ZDBF2: variants seen among roughly 807,000 people sequenced by gnomAD.
The protein encoded by ZDBF2 is DBF4-type zinc finger-containing protein 2.
In ZDBF2, 6 loss-of-function variants were observed where a neutral mutation model predicts 9.4. That is an observed-to-expected ratio of 0.64 (90% CI 0.35 to 1.27). The LOEUF (loss-of-function observed/expected upper bound fraction) is 1.27. Among genes scored for constraint, ZDBF2 ranks in the 50% most tolerant of loss-of-function variants. The pLI is 0.03. For missense variants in ZDBF2, 2,697 were observed against 2,766.8 expected (o/e 0.97, Z 0.57); for synonymous variants, 905 against 946.3 (o/e 0.96, Z 0.80).
chr2:206,305,631 G>C lies in ZDBF2; in HGVS notation c.1103G>C (p.Cys368Ser). ...CSVSSEMKFD[C>S]ISLQSASDQP... is the part of the protein sequence containing the mutation. ...GTGAGTTCTGAAATGAAGTTTGATT[G>C]TATCTCTCTTCAGTCAGCATCTGAT... The change falls in exon 5 of 5, where the codon TGT becomes TCT. Residue 368 changes from cysteine (C) to serine (S), a missense_variant. Around this residue, in one of 3 missense-constraint regions of ZDBF2, gnomAD observed 910 missense variants for 973.6 expected, o/e 0.93. Coordinates refer to ENST00000374423, the MANE Select transcript of ZDBF2 (RefSeq NM_020923.3). The C allele has an allele frequency of 1.2e-6, 2 of 1,613,734 alleles. No homozygotes were observed. Among genetic ancestry groups the C allele is most frequent in the South Asian group, 1.1e-5 (1 of 91,072 alleles).
intron 1 of ZDBF2, among the ~76,000 whole-genome samples, chr2:206,278,555 A>G (rs1371345850): frequency 1.3e-5 from 2 of 152,200 alleles, no homozygotes; most frequent in Non-Finnish European, 2.9e-5. Flanking sequence ...TCAAAATCCA[A>G]TCTACTTGCC....
At chr2:206,304,393 A>G (rs909565903) in intron 4 of ZDBF2, among the ~76,000 whole-genome samples, 10 of 152,214 alleles carry the variant, frequency 6.6e-5, no homozygotes, top group Admixed American at 6.5e-5. Flanking sequence ...CAGAAACTGA[A>G]GCATACAAAG....
chr2:206,276,489 T>C (rs539685784), intron 1 of ZDBF2, among the ~76,000 whole-genome samples: 63 of 152,206 alleles, frequency 4.1e-4, no homozygotes, highest in Non-Finnish European at 6.6e-4. Flanking sequence ...GGAATAGTGG[T>C]GATGTTGATT....
At chr2:206,283,080 C>T (rs745624667) in intron 3 of ZDBF2, among the ~76,000 whole-genome samples, 13 of 152,330 alleles carry the variant, frequency 8.5e-5, no homozygotes, top group Non-Finnish European at 1.5e-4. Flanking sequence ...TGTTCCATTG[C>T]ATGGATATAT....
chr2:206,281,747 T>C (rs190554329), intron 2 of ZDBF2, 54 bp from the exon 3 acceptor site: 1 of 1,069,436 alleles, frequency 9.4e-7, no homozygotes, highest in Non-Finnish European at 1.4e-6. Flanking sequence ...ATAGCCATTT[T>C]CCTCATAAGA....
intron 3 of ZDBF2, 83 bp downstream of exon 3, chr2:206,281,992 A>T: frequency 1.6e-6 from 2 of 1,250,766 alleles, no homozygotes; most frequent in Non-Finnish European, 2.2e-6. Flanking sequence ...TAATTTATTT[A>T]TTCATTGAAC....
chr2:206,285,089 A>G (rs987248463), intron 3 of ZDBF2, among the ~76,000 whole-genome samples: 10 of 152,206 alleles, frequency 6.6e-5, no homozygotes, highest in African/African-American at 2.2e-4. Flanking sequence ...GCTATTGTGA[A>G]CAGTGCTGTA....
chr2:206,306,915 T>C lies in ZDBF2; in HGVS notation c.2387T>C (p.Ile796Thr). ...DSSEITFDSDIPLYSVIDQPE... is the reference protein window; with the variant it reads ...DSSEITFDSDTPLYSVIDQPE... ...TCTGAAATAACTTTTGATTCTGATA[T>C]TCCTCTTTATTCAGTAATTGACCAA... Residue 796 changes from isoleucine (I) to threonine (T), a missense_variant, in exon 5 of 5, where the codon ATT becomes ACT. Ile to Thr is a moderately conservative substitution (Grantham distance 89). Around this residue, in one of 3 missense-constraint regions of ZDBF2, gnomAD observed 910 missense variants for 973.6 expected, o/e 0.93. Transcript: ENST00000374423. 1.2e-6 allele frequency: 2 copies of C among 1,613,738 alleles called. No individual in the cohort carries two copies. Among genetic ancestry groups the C allele is most frequent in the Non-Finnish European group, 8.5e-7 (1 of 1,179,766 alleles).
intron 3 of ZDBF2, among the ~76,000 whole-genome samples, chr2:206,285,934 C>T (rs1691578982): frequency 6.6e-6 from 1 of 152,144 alleles, no homozygotes. Context: ...GGTATTGGTG[C>T]CTTTGTCAAA....
chr2:206,275,101 C>T (rs900895205), intron 1 of ZDBF2, among the ~76,000 whole-genome samples, 155 bp downstream of exon 1: 3 of 152,064 alleles, frequency 2.0e-5, no homozygotes, highest in Non-Finnish European at 4.4e-5. Flanking sequence ...CCCCCCACCC[C>T]GCGTCCCTTT....
intron 1 of ZDBF2, 61 bp downstream of exon 1, chr2:206,275,007 G>T (rs968651147): frequency 4.0e-5 from 6 of 149,760 alleles, no homozygotes; most frequent in African/African-American, 1.2e-4. Context: ...GGGCCTGCTC[G>T]CCGGGCGCCC....
chr2:206,288,786 C>A (rs887974356), intron 3 of ZDBF2, among the ~76,000 whole-genome samples: 3 of 152,038 alleles, frequency 2.0e-5, no homozygotes, highest in Non-Finnish European at 4.4e-5. Context: ...GACCTGACTC[C>A]AGGGAAAAAT....
intron 1 of ZDBF2, 56 bp downstream of exon 1, chr2:206,275,002 T>C (rs1304310698): frequency 3.3e-5 from 5 of 149,416 alleles, no homozygotes; most frequent in Non-Finnish European, 6.0e-5. Flanking sequence ...GGGCGGGGCC[T>C]GCTCGCCGGG....
chr2:206,298,911 C>A lies in ZDBF2; in HGVS notation c.188+1538C>A, dbSNP rs138395705. Among the ~76,000 whole-genome samples the A allele has an allele frequency of 2.6e-4, 39 of 151,126 alleles. No individual in the cohort carries two copies. The East Asian group carries it at 7.4e-3, about 29-fold the overall frequency. Reference sequence around the variant, plus strand: ...TTCTTTTTTTTTTGAGACAGAGTCTCGGTCTGTTGGCCAGGCTGTAGTGCT... The same window carrying A: ...TTCTTTTTTTTTTGAGACAGAGTCTAGGTCTGTTGGCCAGGCTGTAGTGCT... On this transcript the variant is annotated intron_variant, in intron 4 of 4. Transcript: ENST00000374423.
chr2:206,307,195 A>C lies in ZDBF2; in HGVS notation c.2667A>C (p.Val889=). The C allele has an allele frequency of 6.2e-7, 1 of 1,612,904 alleles. No homozygotes were observed. Among genetic ancestry groups the C allele is most frequent in the Non-Finnish European group, 8.5e-7 (1 of 1,179,600 alleles). Residue 889 remains valine (V), a synonymous_variant, in exon 5 of 5, where the codon GTA becomes GTC. Transcript: ENST00000374423. ...PLHSVTNSPE[V]AVKKLNPQKE... is the part of the protein sequence containing the mutation. The stretch of plus-strand genomic sequence containing the variant: ...ATTCAGTGACTAATTCTCCCGAAGT[A>C]GCTGTTAAAAAGCTAAATCCTCAAA...
chr2:206,308,001 C>T lies in ZDBF2; in HGVS notation c.3473C>T (p.Ser1158Leu). ...GTTAAGAACAGCCAATATAGTTGTTCAGAAATGAATTTGGATTCTGGTTTC... is the reference window on the plus strand; with the variant it reads ...GTTAAGAACAGCCAATATAGTTGTTTAGAAATGAATTTGGATTCTGGTTTC... ...LEVKNSQYSC[S>L]EMNLDSGFLG... Residue 1158 changes from serine to leucine, a missense_variant, in exon 5 of 5, where the codon TCA becomes TTA. By Grantham distance (145) the Ser-to-Leu change is moderately radical. Coordinates refer to ENST00000374423, the MANE Select transcript of ZDBF2 (RefSeq NM_020923.3). 1 of 1,613,810 alleles carries T rather than the reference C, an allele frequency of 6.2e-7. No individual in the cohort carries two copies. Among genetic ancestry groups the T allele is most frequent in the Non-Finnish European group, 8.5e-7 (1 of 1,179,828 alleles).
chr2:206,305,304 G>C lies in ZDBF2; in HGVS notation c.776G>C (p.Arg259Thr), dbSNP rs772362560. Reference protein sequence around the residue: ...FSYQKHKESNRKSLRMNSDKL... With the variant: ...FSYQKHKESNTKSLRMNSDKL... Reference sequence around the variant, plus strand: ...TATCAGAAACATAAAGAATCAAATAGGAAATCTTTACGCATGAATTCAGAT... The same window carrying C: ...TATCAGAAACATAAAGAATCAAATACGAAATCTTTACGCATGAATTCAGAT... Residue 259 changes from arginine (R) to threonine (T), a missense_variant, in exon 5 of 5, where the codon AGG becomes ACG. Physicochemically the swap from Arg to Thr is moderately conservative, Grantham distance 71. Coordinates refer to ENST00000374423, the MANE Select transcript of ZDBF2 (RefSeq NM_020923.3). 1.9e-6 allele frequency: 3 copies of C among 1,612,478 alleles called. No homozygotes were observed. In the South Asian group the frequency reaches 3.3e-5, roughly 18 times the overall value.
In ZDBF2 at chr2:206,307,331, A is replaced by G. The variant is rs981145066; in HGVS notation, c.2803A>G (p.Ile935Val). Residue 935 changes from isoleucine to valine, a missense_variant, in exon 5 of 5, where the codon ATT (isoleucine) becomes GTT (valine). Coordinates refer to ENST00000374423, the MANE Select transcript of ZDBF2 (RefSeq NM_020923.3). The part of the protein sequence containing the change: ...HSVTGRSEDP[I>V]KEISLHTKEH... ...AGTGACTGGACGTTCTGAAGATCCC[A>G]TTAAAGAAATAAGCCTTCACACAAA... 5.0e-6 allele frequency: 8 copies of G among 1,612,470 alleles called. No individual in the cohort carries two copies. In the African/African-American group the frequency reaches 5.3e-5, roughly 11 times the overall value.
rs555493283 is a variant in ZDBF2 at position 206,300,014 on chromosome 2, CAGG to C, written c.188+2644_188+2646del. ...ATCCCAGCTAGTAGGGAGGCTGAGG[CAGG>C]AGAATTGCTTGAACCCTGGAGGCGG... On this transcript the variant is annotated intron_variant, in intron 4 of 4. Transcript: ENST00000374423. Among the ~76,000 whole-genome samples, 16 of 152,148 alleles carry C rather than the reference CAGG, an allele frequency of 1.1e-4. No individual in the cohort carries two copies. The East Asian group carries it at 3.1e-3, about 30-fold the overall frequency.
Sources: gnomAD v4.1 joint callset for allele counts (sites outside exome capture counted in the v4.1 genomes callset) on GRCh38, gnomAD v4.1.1 for gene constraint, gnomAD v4.1.1 regional missense constraint, MANE v1.5 for transcripts, NCBI Gene and HGNC (gene_info 2026-07-23, HGNC 2026-07-21) for gene names.